Variants in GABRB1 observed in about 807,000 individuals in gnomAD.
GABRB1 encodes the protein gamma-aminobutyric acid type A receptor subunit beta1.
In GABRB1, 17 loss-of-function variants were observed where a neutral mutation model predicts 51.6. The ratio of observed to expected loss-of-function variants is 0.33; its 90% CI spans 0.23 to 0.49. The LOEUF (loss-of-function observed/expected upper bound fraction) is 0.49, where lower values mean the gene tolerates loss of function less well. Among genes scored for constraint, GABRB1 ranks in the 20% least tolerant of loss-of-function variants. The pLI is 0.99. For missense variants in GABRB1, 410 were observed against 600.6 expected, an observed-to-expected ratio of 0.68 and a Z score of 3.32; for synonymous variants, 247 against 218.9, an observed-to-expected ratio of 1.13 and a Z score of -1.14.
chr4:47,243,897 C>T (rs1306071053), intron 4 of GABRB1, among the ~76,000 whole-genome samples: 2 of 152,144 alleles, frequency 1.3e-5, no homozygotes, highest in Non-Finnish European at 2.9e-5. Context: ...CCTGATTGCC[C>T]TGGCCAGAAC....
intron 1 of GABRB1, among the ~76,000 whole-genome samples, chr4:47,003,606 T>C (rs6839154): frequency 0.017 from 2,598 of 152,322 alleles, 64 homozygotes; most frequent in African/African-American, 0.06. Context: ...CCCACTTCCA[T>C]GACAGAATTG....
At chr4:47,003,551 T>C (rs1724293212) in intron 1 of GABRB1, among the ~76,000 whole-genome samples, 1 of 152,156 alleles carries the variant, frequency 6.6e-6, no homozygotes, top group Non-Finnish European at 1.5e-5. Context: ...AAGGGACAAA[T>C]TTAGGTTTTG....
chr4:47,013,925 T>A (rs548304382), intron 1 of GABRB1, among the ~76,000 whole-genome samples: 1 of 152,308 alleles, frequency 6.6e-6, no homozygotes, highest in Admixed American at 6.5e-5. Flanking sequence ...AGTTTATGAA[T>A]CTTTTCACTA....
At chr4:47,025,204 C>A (rs1231736295) in intron 1 of GABRB1, among the ~76,000 whole-genome samples, 2 of 151,410 alleles carry the variant, frequency 1.3e-5, no homozygotes, top group Non-Finnish European at 2.9e-5. Context: ...CTTCTATAAA[C>A]ATGCGTGTGC....
chr4:47,063,826 G>A (rs1726941211), intron 3 of GABRB1, among the ~76,000 whole-genome samples: 1 of 152,044 alleles, frequency 6.6e-6, no homozygotes, highest in Non-Finnish European at 1.5e-5. Flanking sequence ...ATAAGTGGGA[G>A]CCGAACAATG....
At position 47,032,503 on chromosome 4, in the gene GABRB1, G is replaced by A; in HGVS notation, c.240+19G>A. On this transcript the variant is annotated intron_variant, in intron 3 of 8. Coordinates refer to ENST00000295454, the MANE Select transcript of GABRB1 (RefSeq NM_000812.4). The stretch of plus-strand genomic sequence containing the variant: ...GAATATGGTGAGTGGCCTCCCGAGG[G>A]GCCCGGCGGTTCGGCTTACGCAGAT... 6.2e-7 allele frequency: 1 copy of A among 1,612,776 alleles called. No individual in the cohort carries two copies. The highest frequency in any genetic ancestry group is 8.5e-7 in the Non-Finnish European group (1 of 1,178,884).
chr4:47,114,910 G>C (rs1423618708), intron 3 of GABRB1, among the ~76,000 whole-genome samples: 1 of 152,128 alleles, frequency 6.6e-6, no homozygotes, highest in Non-Finnish European at 1.5e-5. Flanking sequence ...ACTGTCTCCA[G>C]CTTCAGGTTT....
intron 4 of GABRB1, among the ~76,000 whole-genome samples, chr4:47,168,278 C>A (rs1053323653): frequency 6.6e-6 from 1 of 152,136 alleles, no homozygotes; most frequent in Non-Finnish European, 1.5e-5. Flanking sequence ...GATTCCAACA[C>A]TGGGAGATCA....
intron 1 of GABRB1, among the ~76,000 whole-genome samples, chr4:47,001,507 CTT>C (rs1221653946): frequency 2.6e-5 from 4 of 152,168 alleles, no homozygotes; most frequent in African/African-American, 9.7e-5. Flanking sequence ...AATCAATAGA[CTT>C]TGAGTAAAAC....
rs529085958 is a variant in GABRB1, at chr4:47,348,042, CCTT to C, written c.544+27837_544+27839del. Among the ~76,000 whole-genome samples, 824 of 152,298 alleles carry C rather than the reference CCTT, an allele frequency of 5.4e-3. 8 individuals are homozygous for C. Among genetic ancestry groups the C allele is most frequent in the African/African-American group, 0.019 (785 of 41,560 alleles). ...AAAGCCATCCAACAGAATGCCTCCT[CCTT>C]CTTAAAAGACCTACTTCCTGGTCCC... On this transcript the variant is annotated intron_variant, in intron 5 of 8. Coordinates refer to ENST00000295454, the MANE Select transcript of GABRB1 (RefSeq NM_000812.4).
At chr4:47,403,281 A>C (rs1433139415) in intron 5 of GABRB1, 37 bp from the exon 6 acceptor site, 4 of 1,606,636 alleles carry the variant, frequency 2.5e-6, no homozygotes, top group Non-Finnish European at 3.4e-6. Context: ...ATGATTTCCT[A>C]AACTTTGTTT....
In GABRB1 at chr4:47,213,419, TCG is replaced by T. The variant is rs1159215674; in HGVS notation, c.461+51952_461+51953del. Among the ~76,000 whole-genome samples, 113 of 151,954 alleles carry T rather than the reference TCG, an allele frequency of 7.4e-4. 1 individual carries two copies. Among genetic ancestry groups the T allele is most frequent in the African/African-American group, 2.3e-3 (95 of 41,448 alleles). On this transcript the variant is annotated intron_variant, in intron 4 of 8. Coordinates refer to ENST00000295454, the MANE Select transcript of GABRB1 (RefSeq NM_000812.4). ...AGAAAATTAATTAATATTTTCACAT[TCG>T]CTCTCTCTCTCTCTCACTCTCTCTC...
chr4:47,311,027 C>T (rs1286249319), intron 4 of GABRB1, among the ~76,000 whole-genome samples: 2 of 130,904 alleles, frequency 1.5e-5, no homozygotes, highest in Non-Finnish European at 3.1e-5. Context: ...CACCACTGCA[C>T]TCCAACCTGG....
At chr4:47,120,762 A>G (rs915645193) in intron 3 of GABRB1, among the ~76,000 whole-genome samples, 5 of 152,116 alleles carry the variant, frequency 3.3e-5, no homozygotes, top group African/African-American at 1.2e-4. Context: ...GTGTCTAGAG[A>G]TGTCATCCAG....
Position 47,219,213 on chromosome 4 carries a change from A to T in GABRB1, c.461+57744A>T, listed in dbSNP as rs966662858. Among the ~76,000 whole-genome samples the T allele has an allele frequency of 3.9e-5, 6 of 151,970 alleles. No individual in the cohort carries two copies. The East Asian group carries it at 1.2e-3, about 29-fold the overall frequency. On this transcript the variant is annotated intron_variant, in intron 4 of 8. Transcript: ENST00000295454. ...TATGTCATATTATGTAACTGTAATG[A>T]TCATGTTCAAATCTGATGATATATT...
intron 4 of GABRB1, among the ~76,000 whole-genome samples, chr4:47,245,720 C>T (rs373132642): frequency 4.6e-5 from 7 of 151,936 alleles, no homozygotes; most frequent in African/African-American, 1.7e-4. Context: ...AGAGTTAGAC[C>T]ATCTTACCAG....
chr4:47,026,436 C>T (rs1725097885), intron 1 of GABRB1, among the ~76,000 whole-genome samples: 1 of 151,926 alleles, frequency 6.6e-6, no homozygotes, highest in African/African-American at 2.4e-5. Context: ...ATAGTTTCTA[C>T]TAAACAACAA....
chr4:47,288,837 A>T (rs1485705828), intron 4 of GABRB1, among the ~76,000 whole-genome samples: 2 of 152,248 alleles, frequency 1.3e-5, no homozygotes, highest in East Asian at 1.9e-4. Flanking sequence ...TCAACAGCTG[A>T]TGGAGCCTGG....
intron 3 of GABRB1, among the ~76,000 whole-genome samples, chr4:47,147,026 C>T (rs1226886239): frequency 7.2e-5 from 11 of 151,936 alleles, no homozygotes; most frequent in Non-Finnish European, 1.5e-4. Context: ...ATCTTTGAAA[C>T]ATATACCTAC....
Sources: allele counts gnomAD v4.1 joint callset (sites outside exome capture counted in the v4.1 genomes callset), GRCh38; gene constraint gnomAD v4.1.1; transcripts MANE v1.5; gene names NCBI Gene and HGNC (gene_info 2026-07-23, HGNC 2026-07-21).